The following NDNF variants were observed in gnomAD, a reference collection of about 807,000 sequenced individuals.
NDNF encodes the protein neuron derived neurotrophic factor.
Under a neutral mutation model 42.0 loss-of-function variants are expected in NDNF, and 16 were observed. The observed-to-expected ratio is 0.38, with a 90% CI of 0.26 to 0.58. The LOEUF is 0.58. Among genes scored for constraint, NDNF ranks in the 20% least tolerant of loss-of-function variants. The pLI is 0.67. For missense variants in NDNF, 616 were observed against 666.2 expected (o/e 0.92, Z 0.83); for synonymous variants, 248 against 251.7 (o/e 0.99, Z 0.14).
At chr4:121,065,304 A>G (rs1330308168) in intron 1 of NDNF, among the ~76,000 whole-genome samples, 1 of 151,400 alleles carries the variant, frequency 6.6e-6, no homozygotes, top group African/African-American at 2.4e-5. Flanking sequence ...TCCTTCTTAC[A>G]CCATAATGAG....
intron 1 of NDNF, among the ~76,000 whole-genome samples, chr4:121,050,047 T>G (rs1309322948): frequency 6.6e-6 from 1 of 152,172 alleles, no homozygotes; most frequent in Non-Finnish European, 1.5e-5. Flanking sequence ...AAAATGTATT[T>G]ACAAGGAGCA....
intron 1 of NDNF, among the ~76,000 whole-genome samples, chr4:121,060,114 T>C (rs1167448431): frequency 6.6e-6 from 1 of 152,188 alleles, no homozygotes; most frequent in Non-Finnish European, 1.5e-5. Context: ...ATATCCTTTC[T>C]TTTTCTAAGA....
At chr4:121,049,891 T>C (rs1012862774) in intron 1 of NDNF, among the ~76,000 whole-genome samples, 1 of 152,234 alleles carries the variant, frequency 6.6e-6, no homozygotes, top group Non-Finnish European at 1.5e-5. Flanking sequence ...AAAATTTGTA[T>C]GGACCCCAAA....
intron 3 of NDNF, among the ~76,000 whole-genome samples, chr4:121,039,488 G>A (rs1344282683): frequency 6.6e-6 from 1 of 151,750 alleles, no homozygotes; most frequent in Non-Finnish European, 1.5e-5. Flanking sequence ...GTTATTCCCT[G>A]GAGATCAGAG....
At chr4:121,059,489 A>C (rs1446337638) in intron 1 of NDNF, among the ~76,000 whole-genome samples, 1 of 152,236 alleles carries the variant, frequency 6.6e-6, no homozygotes, top group East Asian at 1.9e-4. Context: ...GTCTGGAAGC[A>C]TATCTCTAAT....
chr4:121,069,633 T>C (rs62318930), intron 1 of NDNF, among the ~76,000 whole-genome samples: 3 of 152,224 alleles, frequency 2.0e-5, no homozygotes, highest in Admixed American at 1.3e-4. Context: ...AAAGCAATAA[T>C]GCAGACAAGG....
rs1245187391 is a variant in NDNF at position 121,036,638 on chromosome 4, G to T, written c.1333C>A (p.Pro445Thr). 6.2e-7 allele frequency: 1 copy of T among 1,614,164 alleles called. No homozygotes were observed. Among genetic ancestry groups the T allele is most frequent in the South Asian group, 1.1e-5 (1 of 91,084 alleles). Residue 445 changes from proline (P) to threonine (T), a missense_variant, in exon 4 of 4, where the codon CCC becomes ACC. Pro to Thr is a conservative substitution (Grantham distance 38). Transcript: ENST00000379692. ...ATTCTTGTGTCTTCAGGAAGAGAGG[G>T]AAATGACTGCTTAGTAGGCCTTGTG... The part of the protein sequence containing the change: ...ATTRPTKQSF[P>T]SLPEDTRIKA...
At chr4:121,065,823 A>G (rs1318125319) in intron 1 of NDNF, among the ~76,000 whole-genome samples, 1 of 152,048 alleles carries the variant, frequency 6.6e-6, no homozygotes, top group Non-Finnish European at 1.5e-5. Flanking sequence ...GGCTTTATCT[A>G]GTTATTAAAA....
intron 1 of NDNF, among the ~76,000 whole-genome samples, chr4:121,062,373 T>C (rs951376723): frequency 2.0e-5 from 3 of 152,202 alleles, no homozygotes; most frequent in African/African-American, 7.2e-5. Flanking sequence ...GCACTATATC[T>C]AGCAAAGGAT....
intron 1 of NDNF, among the ~76,000 whole-genome samples, chr4:121,046,574 A>G (rs1727097225): frequency 6.6e-6 from 1 of 152,370 alleles, no homozygotes; most frequent in Non-Finnish European, 1.5e-5. Flanking sequence ...AGAGTCTTCA[A>G]CACAACGTTG....
chr4:121,036,600 G>T lies in NDNF; in HGVS notation c.1371C>A (p.Asp457Glu), dbSNP rs1366001298. 6.2e-7 allele frequency: 1 copy of T among 1,614,154 alleles called. No individual in the cohort carries two copies. Among genetic ancestry groups the T allele is most frequent in the East Asian group, 2.2e-5 (1 of 44,878 alleles). ...LPEDTRIKAFDKLRTCSSATV... is the reference protein window; with the variant it reads ...LPEDTRIKAFEKLRTCSSATV... ...TGGCTGAGGAACAGGTACGGAGCTT[G>T]TCAAAGGCTTTGATTCTTGTGTCTT... Residue 457 changes from aspartate (D) to glutamate (E), a missense_variant, in exon 4 of 4, where the codon GAC becomes GAA. Transcript: ENST00000379692.
intron 1 of NDNF, among the ~76,000 whole-genome samples, chr4:121,060,859 A>G (rs567089362): frequency 9.8e-5 from 15 of 152,308 alleles, no homozygotes; most frequent in East Asian, 5.8e-4. Context: ...CTAAGTGTTT[A>G]TACTATTAAA....
In NDNF at chr4:121,053,962, A is replaced by G. The variant is rs1264469891; in HGVS notation, c.-1-8124T>C. Among the ~76,000 whole-genome samples the G allele has an allele frequency of 2.0e-5, 3 of 152,250 alleles. No homozygotes were observed. The South Asian group carries it at 6.2e-4, about 32-fold the overall frequency. On this transcript the variant is annotated intron_variant, in intron 1 of 3. Transcript: ENST00000379692. ...AGATGGAGCATGGCAGCGCGCCAGT[A>G]GCATTCAGCAACAGCACGTATCAGC... is the stretch of plus-strand genomic sequence containing the variant.
chr4:121,060,420 A>G (rs553538055), intron 1 of NDNF, among the ~76,000 whole-genome samples: 1 of 152,008 alleles, frequency 6.6e-6, no homozygotes, highest in Admixed American at 6.6e-5. Flanking sequence ...GCTTCAAGAG[A>G]TCCTCCTGCC....
intron 3 of NDNF, among the ~76,000 whole-genome samples, chr4:121,039,155 ATGT>A (rs1726936294): frequency 3.1e-5 from 1 of 32,380 alleles, no homozygotes. Flanking sequence ...GTATATATAT[ATGT>A]ATATATATAT....
At chr4:121,049,791 T>A (rs576569965) in intron 1 of NDNF, among the ~76,000 whole-genome samples, 2 of 152,186 alleles carry the variant, frequency 1.3e-5, no homozygotes, top group Non-Finnish European at 2.9e-5. Flanking sequence ...TAAAATTCCA[T>A]CAGGCCACAT....
chr4:121,048,983 C>G (rs1035585256), intron 1 of NDNF, among the ~76,000 whole-genome samples: 1 of 152,028 alleles, frequency 6.6e-6, no homozygotes, highest in Non-Finnish European at 1.5e-5. Context: ...ATTCTTTTTT[C>G]TCATTTTAAA....
chr4:121,037,851 C>A (rs1009882773), intron 3 of NDNF, 194 bp from the exon 4 acceptor site: 3 of 445,066 alleles, frequency 6.7e-6, no homozygotes, highest in Non-Finnish European at 1.2e-5. Flanking sequence ...ATGTGTAAGG[C>A]TTCTCTGAAT....
intron 1 of NDNF, among the ~76,000 whole-genome samples, chr4:121,062,021 A>G (rs1206143508): frequency 1.3e-5 from 2 of 152,234 alleles, no homozygotes; most frequent in Non-Finnish European, 2.9e-5. Context: ...CAAATAGTGT[A>G]AGCCAGTTTC....
Sources: gnomAD v4.1 joint callset for allele counts (sites outside exome capture counted in the v4.1 genomes callset) on GRCh38, gnomAD v4.1.1 for gene constraint, MANE v1.5 for transcripts, NCBI Gene and HGNC (gene_info 2026-07-23, HGNC 2026-07-21) for gene names.